Variants in SORCS3 observed in about 807,000 individuals in gnomAD.
SORCS3 encodes VPS10 domain-containing receptor SorCS3.
A neutral mutation model predicts 146.3 loss-of-function variants in SORCS3; 57 were observed. That is an observed-to-expected ratio of 0.39 (90% CI 0.31 to 0.49). The LOEUF (loss-of-function observed/expected upper bound fraction) is 0.49, where lower values mean the gene tolerates loss of function less well. SORCS3 is among the 20% of genes least tolerant of loss of function. The pLI is 0.92. For missense variants in SORCS3, 1,341 were observed against 1,575.5 expected (o/e 0.85, Z 2.52); for synonymous variants, 653 against 618.5 (o/e 1.06, Z -0.83).
At chr10:104,976,280 C>T (rs1001410327) in intron 3 of SORCS3, among the ~76,000 whole-genome samples, 1 of 152,198 alleles carries the variant, frequency 6.6e-6, no homozygotes, top group African/African-American at 2.4e-5. Context: ...CAAAAGGAGA[C>T]ATTTATGCAG....
At chr10:104,971,141 G>A (rs2054858141) in intron 3 of SORCS3, among the ~76,000 whole-genome samples, 2 of 152,180 alleles carry the variant, frequency 1.3e-5, no homozygotes, top group South Asian at 4.1e-4. Context: ...TAAGGATTTT[G>A]GAATATAGGA....
intron 3 of SORCS3, among the ~76,000 whole-genome samples, chr10:104,921,942 TA>T (rs1470329944): frequency 7.9e-5 from 12 of 152,224 alleles, no homozygotes; most frequent in African/African-American, 2.9e-4. Context: ...CCTGCATTCC[TA>T]ATTGATTTAC....
chr10:105,158,990 T>C lies in SORCS3; in HGVS notation c.1728T>C (p.Ala576=). 1 of 1,606,298 alleles carries C rather than the reference T, an allele frequency of 6.2e-7. No individual in the cohort carries two copies. The highest frequency in any genetic ancestry group is 8.5e-7 in the Non-Finnish European group (1 of 1,174,070). ...AGACAGCCCCAGGACTTGTGGTGGC[T>C]ACAGGTAAGAAAAACATTCCCTGTG... ...SKETAPGLVV[A]TGNIGPELSY... is the part of the protein sequence containing the mutation. The change falls in exon 11 of 27, where the codon GCT becomes GCC. Residue 576 remains alanine, a synonymous_variant. Coordinates refer to ENST00000369701, the MANE Select transcript of SORCS3 (RefSeq NM_014978.3).
chr10:105,046,284 T>G (rs1487122945), intron 5 of SORCS3, among the ~76,000 whole-genome samples: 1 of 152,132 alleles, frequency 6.6e-6, no homozygotes, highest in Non-Finnish European at 1.5e-5. Flanking sequence ...ATTGTTGTGA[T>G]TCATAGCTTT....
chr10:104,671,530 A>G (rs2015854523), intron 1 of SORCS3, among the ~76,000 whole-genome samples: 1 of 149,882 alleles, frequency 6.7e-6, no homozygotes, highest in African/African-American at 2.5e-5. Context: ...TCTTTTGTAG[A>G]GATGAGGTCT....
intron 4 of SORCS3, among the ~76,000 whole-genome samples, chr10:104,988,392 G>A (rs753592839): frequency 1.4e-4 from 21 of 152,148 alleles, no homozygotes; most frequent in Non-Finnish European, 2.5e-4. Context: ...TCAGCTGGTG[G>A]CAGTTTCTGG....
intron 1 of SORCS3, among the ~76,000 whole-genome samples, chr10:104,739,004 T>A (rs923941876): frequency 1.3e-5 from 2 of 152,160 alleles, no homozygotes; most frequent in Non-Finnish European, 2.9e-5. Context: ...GTGGTCTCTT[T>A]GAGGCATTTG....
chr10:104,660,621 T>A (rs530631985), intron 1 of SORCS3, among the ~76,000 whole-genome samples: 92 of 152,196 alleles, frequency 6.0e-4, no homozygotes, highest in African/African-American at 2.0e-3. Flanking sequence ...TGTCTTCACT[T>A]TTTTTTTCTG....
chr10:105,067,618 G>C (rs952028071), intron 5 of SORCS3, among the ~76,000 whole-genome samples: 3 of 152,186 alleles, frequency 2.0e-5, no homozygotes, highest in African/African-American at 7.2e-5. Flanking sequence ...TATGAAATTA[G>C]TTGTAATGAA....
In SORCS3 at chr10:104,641,752, G is replaced by T. The variant is rs570820859; in HGVS notation, c.425G>T (p.Arg142Leu). The T allele has an allele frequency of 6.5e-7, 1 of 1,546,046 alleles. No individual in the cohort carries two copies. The highest frequency in any genetic ancestry group is 8.7e-7 in the Non-Finnish European group (1 of 1,145,780). ...GCGCAGCCCCCAATCACCCAGGAAC[G>T]CGGGGACGCCTGGGCCACTGCTCCG... ...RRAQPPITQERGDAWATAPAD... is the reference protein window; with the variant it reads ...RRAQPPITQELGDAWATAPAD... The change falls in exon 1 of 27, where the codon CGC (arginine) becomes CTC (leucine). Residue 142 changes from arginine (R) to leucine (L), a missense_variant. Physicochemically the swap from Arg to Leu is moderately radical, Grantham distance 102. Coordinates refer to ENST00000369701, the MANE Select transcript of SORCS3 (RefSeq NM_014978.3). This position sits in a 1 kb window ranked among gnomAD's most constrained non-coding sequence, Gnocchi z 6.4.
chr10:105,161,784 T>C (rs2056265386), intron 11 of SORCS3, among the ~76,000 whole-genome samples: 1 of 152,154 alleles, frequency 6.6e-6, no homozygotes, highest in Non-Finnish European at 1.5e-5. Flanking sequence ...AATTTAGAGA[T>C]GAAGAGACTG....
chr10:104,846,169 A>G (rs1373671900), intron 2 of SORCS3, among the ~76,000 whole-genome samples: 1 of 152,158 alleles, frequency 6.6e-6, no homozygotes, highest in Non-Finnish European at 1.5e-5. Context: ...CACTGGATAG[A>G]GTGTGACTGA....
At chr10:104,850,579 G>A (rs2018264537) in intron 2 of SORCS3, among the ~76,000 whole-genome samples, 3 of 152,116 alleles carry the variant, frequency 2.0e-5, no homozygotes, top group Non-Finnish European at 4.4e-5. Flanking sequence ...GTGAGACCCT[G>A]TCTCAAAAAG....
At chr10:105,249,486 G>T (rs932155096) in intron 22 of SORCS3, among the ~76,000 whole-genome samples, 25 of 152,264 alleles carry the variant, frequency 1.6e-4, no homozygotes, top group Middle Eastern at 6.8e-3. Flanking sequence ...ATAGGAAGAA[G>T]AATAAATAGA....
chr10:105,210,647 T>C (rs913732983), intron 16 of SORCS3, among the ~76,000 whole-genome samples: 2 of 152,334 alleles, frequency 1.3e-5, no homozygotes, highest in East Asian at 3.9e-4. Flanking sequence ...AGTGTAGTTT[T>C]ATTTTATTTT....
chr10:105,007,146 C>T (rs1273268562), intron 4 of SORCS3, among the ~76,000 whole-genome samples: 2 of 152,174 alleles, frequency 1.3e-5, no homozygotes, highest in South Asian at 2.1e-4. Flanking sequence ...TTAGTGACTT[C>T]CTTTCATCCT....
chr10:105,008,741 G>C (rs559434617), intron 4 of SORCS3, among the ~76,000 whole-genome samples: 1 of 152,216 alleles, frequency 6.6e-6, no homozygotes, highest in African/African-American at 2.4e-5. Flanking sequence ...CCCCCTCGGG[G>C]GTTCAAGCAA....
chr10:105,202,118 C>A (rs960350620), intron 16 of SORCS3, among the ~76,000 whole-genome samples: 1 of 152,128 alleles, frequency 6.6e-6, no homozygotes, highest in African/African-American at 2.4e-5. Context: ...TCCACATCCA[C>A]CCTTGTCACT....
intron 4 of SORCS3, among the ~76,000 whole-genome samples, chr10:105,023,604 A>G (rs1242603684): frequency 6.6e-6 from 1 of 152,148 alleles, no homozygotes. Flanking sequence ...GCTGTGCACC[A>G]TGCCATCTTG....
Sources: gnomAD v4.1 joint callset for allele counts (sites outside exome capture counted in the v4.1 genomes callset) on GRCh38, gnomAD v4.1.1 for gene constraint, Gnocchi (gnomAD v3.1) non-coding constraint, MANE v1.5 for transcripts, NCBI Gene and HGNC (gene_info 2026-07-23, HGNC 2026-07-21) for gene names.